The following OXR1 variants were observed in gnomAD, a reference collection of about 807,000 sequenced individuals.
OXR1 encodes oxidation resistance 1, also known as oxidation resistance protein 1.
In OXR1, 41 loss-of-function variants were observed where a neutral mutation model predicts 104.6. The observed-to-expected ratio is 0.39, with a 90% CI of 0.31 to 0.51. The LOEUF (loss-of-function observed/expected upper bound fraction) is 0.51. OXR1 is among the 20% of genes least tolerant of loss of function. The pLI is 0.77. For missense variants in OXR1, 955 were observed against 1,031.9 expected, an observed-to-expected ratio of 0.93 and a Z score of 1.02; for synonymous variants, 348 against 348.4, an observed-to-expected ratio of 1.00 and a Z score of 0.01.
intron 1 of OXR1, among the ~76,000 whole-genome samples, chr8:106,320,007 C>T (rs1190552556): frequency 2.0e-5 from 3 of 152,292 alleles, no homozygotes; most frequent in Non-Finnish European, 4.4e-5. Flanking sequence ...GAAGTGCACA[C>T]TGTATACCCC....
chr8:106,550,295 AAAG>A lies in OXR1; in HGVS notation c.220+31161_220+31163del, dbSNP rs1331078910. Among the ~76,000 whole-genome samples the A allele has an allele frequency of 6.6e-5, 10 of 152,222 alleles. No individual in the cohort carries two copies. In the South Asian group the frequency reaches 2.1e-3, roughly 32 times the overall value. ...TGAAAACACGGAGTGTACACTAGAC[AAAG>A]AAGAGCAAGGGCAGAAATCACAGTG... is the stretch of plus-strand genomic sequence containing the variant. On this transcript the variant is annotated intron_variant, in intron 3 of 16. Coordinates refer to ENST00000517566, the MANE Select transcript of OXR1 (RefSeq NM_001198533.2).
At chr8:106,288,737 G>A (rs1033276830) in intron 1 of OXR1, among the ~76,000 whole-genome samples, 1 of 145,874 alleles carries the variant, frequency 6.9e-6, no homozygotes, top group Non-Finnish European at 1.5e-5. Flanking sequence ...TAAATATATA[G>A]AGAGAATATG....
At chr8:106,727,365 C>T (rs1833446002) in intron 11 of OXR1, among the ~76,000 whole-genome samples, 1 of 152,044 alleles carries the variant, frequency 6.6e-6, no homozygotes, top group East Asian at 1.9e-4. Context: ...AATTAATGTG[C>T]ATCAAACACT....
chr8:106,298,742 G>A (rs1813107460), intron 1 of OXR1, among the ~76,000 whole-genome samples: 1 of 147,772 alleles, frequency 6.8e-6, no homozygotes, highest in African/African-American at 2.6e-5. Flanking sequence ...CTTTCTGGAG[G>A]AAAAAAAACA....
At chr8:106,535,235 A>T (rs1814413845) in intron 3 of OXR1, among the ~76,000 whole-genome samples, 1 of 152,168 alleles carries the variant, frequency 6.6e-6, no homozygotes, top group Non-Finnish European at 1.5e-5. Flanking sequence ...TATGATCTGC[A>T]GAAATAACAG....
chr8:106,271,849 G>T (rs1811825858), intron 1 of OXR1: 1 of 152,180 alleles, frequency 6.6e-6, no homozygotes, highest in South Asian at 2.1e-4. Flanking sequence ...CTCCCTCTAT[G>T]GAAGGGAATC....
intron 7 of OXR1, among the ~76,000 whole-genome samples, chr8:106,701,503 G>C (rs1830580585): frequency 1.3e-5 from 2 of 152,224 alleles, no homozygotes; most frequent in Non-Finnish European, 2.9e-5. Context: ...AATCAATCAG[G>C]ATTTGAGTTT....
intron 2 of OXR1, among the ~76,000 whole-genome samples, chr8:106,493,126 A>G (rs1209899443): frequency 6.6e-6 from 1 of 152,172 alleles, no homozygotes; most frequent in Admixed American, 6.5e-5. Flanking sequence ...CTTAAATGCT[A>G]CAGCTACAGC....
At chr8:106,396,440 T>G (rs550439383) in intron 2 of OXR1, among the ~76,000 whole-genome samples, 64 of 152,150 alleles carry the variant, frequency 4.2e-4, no homozygotes, top group African/African-American at 1.5e-3. Flanking sequence ...ATAGTCCTAG[T>G]CTAATTATGA....
chr8:106,687,650 T>G (rs1377208720), intron 6 of OXR1, among the ~76,000 whole-genome samples: 2 of 149,668 alleles, frequency 1.3e-5, no homozygotes, highest in Non-Finnish European at 3.0e-5. Context: ...AACCCAGGAG[T>G]CGGGGGTTGC....
At chr8:106,710,267 G>A (rs1161176775) in intron 9 of OXR1, among the ~76,000 whole-genome samples, 1 of 151,892 alleles carries the variant, frequency 6.6e-6, no homozygotes, top group Non-Finnish European at 1.5e-5. Context: ...CAAAAAGACT[G>A]ATAGAGAATA....
At chr8:106,571,320 G>T (rs1247482583) in intron 3 of OXR1, among the ~76,000 whole-genome samples, 1 of 152,044 alleles carries the variant, frequency 6.6e-6, no homozygotes. Context: ...CTGGCTTGTA[G>T]ACAGCTGCTT....
At chr8:106,439,283 C>T (rs1011534230) in intron 2 of OXR1, among the ~76,000 whole-genome samples, 5 of 151,874 alleles carry the variant, frequency 3.3e-5, no homozygotes, top group Admixed American at 2.6e-4. Flanking sequence ...AGAGCTTTCT[C>T]GCTACCATGT....
intron 3 of OXR1, among the ~76,000 whole-genome samples, chr8:106,539,501 T>C (rs964751250): frequency 4.7e-5 from 7 of 148,970 alleles, no homozygotes; most frequent in Non-Finnish European, 1.0e-4. Context: ...ATTACAGTGG[T>C]TTTTTTGATG....
intron 2 of OXR1, among the ~76,000 whole-genome samples, chr8:106,415,108 T>G (rs1210837586): frequency 2.6e-5 from 4 of 152,098 alleles, no homozygotes; most frequent in African/African-American, 9.7e-5. Flanking sequence ...GTGACATGTC[T>G]TTTTGGAGCC....
At chr8:106,654,049 T>C (rs2131033408) in intron 3 of OXR1, among the ~76,000 whole-genome samples, 1 of 152,220 alleles carries the variant, frequency 6.6e-6, no homozygotes, top group Non-Finnish European at 1.5e-5. Flanking sequence ...GCACAAAACA[T>C]TGCTGAAAGC....
chr8:106,382,685 T>G (rs1194512596), intron 2 of OXR1, among the ~76,000 whole-genome samples: 4 of 107,550 alleles, frequency 3.7e-5, no homozygotes, highest in African/African-American at 2.1e-4. Flanking sequence ...ACTATAGGTT[T>G]TTTTTTTTTT....
At chr8:106,302,044 A>G (rs900547856) in intron 1 of OXR1, among the ~76,000 whole-genome samples, 1 of 152,206 alleles carries the variant, frequency 6.6e-6, no homozygotes, top group African/African-American at 2.4e-5. Flanking sequence ...GAGTAACCAA[A>G]GAAAGACCTG....
At chr8:106,459,797 A>G (rs1012458365) in intron 2 of OXR1, among the ~76,000 whole-genome samples, 1 of 152,220 alleles carries the variant, frequency 6.6e-6, no homozygotes, top group East Asian at 1.9e-4. Context: ...CAGCTGCCAC[A>G]CTGTGTACTT....
Sources: allele counts gnomAD v4.1 joint callset (sites outside exome capture counted in the v4.1 genomes callset), GRCh38; gene constraint gnomAD v4.1.1; transcripts MANE v1.5; gene names NCBI Gene and HGNC (gene_info 2026-07-23, HGNC 2026-07-21).